The following ROR2 variants were observed in gnomAD, a reference collection of about 807,000 sequenced individuals.
The protein encoded by ROR2 is ROR family WNT receptor 2.
Under a neutral mutation model 74.9 loss-of-function variants are expected in ROR2, and 33 were observed. The ratio of observed to expected loss-of-function variants is 0.44; its 90% CI spans 0.33 to 0.59. The LOEUF (loss-of-function observed/expected upper bound fraction) is 0.59. ROR2 is among the 20% of genes least tolerant of loss of function. The pLI is 0.02. For missense variants in ROR2, 1,216 were observed against 1,313.8 expected (o/e 0.93, Z 1.15); for synonymous variants, 586 against 558.7 (o/e 1.05, Z -0.69).
At chr9:91,728,700 G>A (rs541268589) in intron 7 of ROR2, among the ~76,000 whole-genome samples, 39 of 152,340 alleles carry the variant, frequency 2.6e-4, no homozygotes, top group Non-Finnish European at 4.6e-4. Context: ...CAAAGTGCTG[G>A]GATTACAGGC....
At chr9:91,859,979 C>T (rs1421580467) in intron 1 of ROR2, among the ~76,000 whole-genome samples, 1 of 152,200 alleles carries the variant, frequency 6.6e-6, no homozygotes, top group Non-Finnish European at 1.5e-5. Flanking sequence ...GTCCTGCGGG[C>T]CTGGACGCTG....
In ROR2 at chr9:91,949,946, C is replaced by A; in HGVS notation, c.18G>T (p.Ala6=). Reference sequence around the variant, plus strand: ...TGCACAGCAGCGGCCGCCGCGGGAGCGCCGAGCCCCGGGCCATGCCGCAGG... The same window carrying A: ...TGCACAGCAGCGGCCGCCGCGGGAGAGCCGAGCCCCGGGCCATGCCGCAGG... MARGS[A]LPRRPLLCIP... Residue 6 remains alanine, a synonymous_variant, in exon 1 of 9, where the codon GCG becomes GCT. Coordinates refer to ENST00000375708, the MANE Select transcript of ROR2 (RefSeq NM_004560.4). 1.3e-6 allele frequency: 2 copies of A among 1,506,912 alleles called. No homozygotes were observed. The highest frequency in any genetic ancestry group is 1.8e-6 in the Non-Finnish European group (2 of 1,131,618). The allele number at this position is 1,506,912 out of a possible 1,614,324, so 93.3% of individuals were successfully genotyped here.
At chr9:91,887,789 T>TC (rs1491202113) in intron 1 of ROR2, among the ~76,000 whole-genome samples, 2 of 18,250 alleles carry the variant, frequency 1.1e-4, no homozygotes, top group African/African-American at 1.0e-3. Context: ...TTTTTTTCTC[T>TC]TTTTTTTTTT....
intron 1 of ROR2, among the ~76,000 whole-genome samples, chr9:91,817,739 G>A (rs1056875934): frequency 2.6e-5 from 4 of 152,158 alleles, no homozygotes; most frequent in African/African-American, 7.2e-5. Flanking sequence ...CCATGGGAAC[G>A]GAAAGAAAGT....
Position 91,775,807 on chromosome 9 carries a change from C to T in ROR2, c.109G>A (p.Val37Ile), listed in dbSNP as rs1311913004. 6.2e-7 allele frequency: 1 copy of T among 1,614,150 alleles called. No individual in the cohort carries two copies. ...CCTAAAGGGTCGTTCGGATCCAGAA[C>T]CTCCACTTCACCTGGGAAAAAGAAA... is the stretch of plus-strand genomic sequence containing the variant. ...SVSRTSGEVE[V>I]LDPNDPLGPL... Residue 37 changes from valine (V) to isoleucine (I), a missense_variant, in exon 2 of 9, where the codon GTT becomes ATT. Coordinates refer to ENST00000375708, the MANE Select transcript of ROR2 (RefSeq NM_004560.4).
At chr9:91,942,622 G>A (rs1831904437) in intron 1 of ROR2, among the ~76,000 whole-genome samples, 1 of 151,968 alleles carries the variant, frequency 6.6e-6, no homozygotes. Flanking sequence ...TATCCACCCA[G>A]AAGCTCAGAA....
chr9:91,773,909 C>T (rs75153534), intron 2 of ROR2, among the ~76,000 whole-genome samples: 5,035 of 147,626 alleles, frequency 0.034, 129 homozygotes, highest in East Asian at 0.15. Flanking sequence ...TTCCTTTAGG[C>T]CACTTGGCCA....
At position 91,724,869 on chromosome 9, in the gene ROR2, A is replaced by G. The variant is rs1167643685; in HGVS notation, c.1625T>C (p.Val542Ala). 1.2e-6 allele frequency: 2 copies of G among 1,601,980 alleles called. No homozygotes were observed. The highest frequency in any genetic ancestry group is 8.5e-7 in the Non-Finnish European group (1 of 1,172,144). ...QHPNVVCLLG[V>A]VTKDQPLSMI... ...GCTCAGGGGCTGGTCCTTGGTCACC[A>G]CGCCCAGCAGGCAGACGACGTTGGG... The change falls in exon 9 of 9, where the codon GTG becomes GCG. Residue 542 changes from valine to alanine, a missense_variant. Physicochemically the swap from Val to Ala is moderately conservative, Grantham distance 64. Transcript: ENST00000375708.
chr9:91,914,768 A>G (rs1374219611), intron 1 of ROR2, among the ~76,000 whole-genome samples: 1 of 123,446 alleles, frequency 8.1e-6, no homozygotes, highest in East Asian at 2.4e-4. Context: ...TAGATCTGTC[A>G]TGACTAGGGG....
chr9:91,949,326 C>CCGCCGG (rs1426182832), intron 1 of ROR2, among the ~76,000 whole-genome samples: 7 of 151,586 alleles, frequency 4.6e-5, no homozygotes, highest in African/African-American at 1.7e-4. Flanking sequence ...GACCCGGGAG[C>CCGCCGG]CGCCGGCGCC....
Position 91,757,252 on chromosome 9 carries a change from A to C in ROR2, c.463+20T>G. 1.2e-6 allele frequency: 2 copies of C among 1,613,602 alleles called. No individual in the cohort carries two copies. Among genetic ancestry groups the C allele is most frequent in the Non-Finnish European group, 1.7e-6 (2 of 1,179,910 alleles). On this transcript the variant is annotated intron_variant, in intron 3 of 8. Transcript: ENST00000375708. The stretch of plus-strand genomic sequence containing the variant: ...AACCTTCATATCTGCTAACCCACAC[A>C]ATTTCACTGTCCAACTCACCCAGCC...
intron 1 of ROR2, among the ~76,000 whole-genome samples, chr9:91,793,248 T>C (rs1163156533): frequency 6.6e-6 from 1 of 152,066 alleles, no homozygotes; most frequent in Non-Finnish European, 1.5e-5. Context: ...ATCAATAGGA[T>C]GGAATTTGAG....
intron 1 of ROR2, among the ~76,000 whole-genome samples, chr9:91,904,388 A>T (rs1159898766): frequency 1.3e-5 from 2 of 152,170 alleles, no homozygotes; most frequent in Non-Finnish European, 2.9e-5. Context: ...TAGCACCAAG[A>T]GCCCAAGAAT....
chr9:91,796,296 G>A (rs1459820033), intron 1 of ROR2, among the ~76,000 whole-genome samples: 1 of 152,034 alleles, frequency 6.6e-6, no homozygotes, highest in Non-Finnish European at 1.5e-5. Context: ...AGCTGGGCAT[G>A]GTGACGCACG....
At chr9:91,818,827 T>C (rs373400945) in intron 1 of ROR2, among the ~76,000 whole-genome samples, 6 of 151,956 alleles carry the variant, frequency 3.9e-5, no homozygotes, top group Admixed American at 6.6e-5. Flanking sequence ...CCTCTCTTAG[T>C]TGCACAGGAA....
At chr9:91,869,596 T>C (rs1161776337) in intron 1 of ROR2, among the ~76,000 whole-genome samples, 2 of 152,120 alleles carry the variant, frequency 1.3e-5, no homozygotes, top group African/African-American at 2.4e-5. Flanking sequence ...GATTCCACTA[T>C]TGACATTCTT....
At chr9:91,744,265 G>A (rs1053781898) in intron 4 of ROR2, among the ~76,000 whole-genome samples, 14 of 123,768 alleles carry the variant, frequency 1.1e-4, no homozygotes, top group Non-Finnish European at 2.2e-4. Context: ...TCTGTCGCTC[G>A]CCCAGGCTGG....
intron 1 of ROR2, among the ~76,000 whole-genome samples, chr9:91,817,666 T>G (rs914846242): frequency 1.3e-5 from 2 of 152,158 alleles, no homozygotes; most frequent in Non-Finnish European, 2.9e-5. Flanking sequence ...CAGGCACCCG[T>G]CGGGGCCTCC....
chr9:91,810,286 T>C (rs530022976), intron 1 of ROR2, among the ~76,000 whole-genome samples: 3 of 152,174 alleles, frequency 2.0e-5, no homozygotes, highest in South Asian at 2.1e-4. Context: ...ATCTAGTGTA[T>C]GCAGCAAGCC....
Sources: allele counts gnomAD v4.1 joint callset (sites outside exome capture counted in the v4.1 genomes callset), GRCh38; gene constraint gnomAD v4.1.1; transcripts MANE v1.5; gene names NCBI Gene and HGNC (gene_info 2026-07-23, HGNC 2026-07-21).